The following SKAP1 variants were observed in gnomAD, a reference collection of about 807,000 sequenced individuals.
SKAP1 encodes the protein src kinase-associated phosphoprotein 1.
SKAP1 carries 44 observed loss-of-function variants against 58.5 expected under a neutral mutation model. The ratio of observed to expected loss-of-function variants is 0.75; its 90% CI spans 0.59 to 0.97. SKAP1 has a LOEUF of 0.97. Among genes scored for constraint, SKAP1 ranks in the 50% least tolerant of loss-of-function variants. The pLI, the probability that SKAP1 is intolerant of heterozygous loss-of-function variation, is 0.00. For missense variants in SKAP1, 390 were observed against 435.2 expected (o/e 0.90, Z 0.92); for synonymous variants, 127 against 149.7 (o/e 0.85, Z 1.11).
At chr17:48,154,921 G>A (rs1389072809) in intron 11 of SKAP1, among the ~76,000 whole-genome samples, 1 of 151,584 alleles carries the variant, frequency 6.6e-6, no homozygotes, top group Non-Finnish European at 1.5e-5. Flanking sequence ...TTAGCCAGGT[G>A]TGGTGGCTTG....
intron 2 of SKAP1, among the ~76,000 whole-genome samples, chr17:48,379,376 A>G (rs1406677188): frequency 6.6e-6 from 1 of 152,244 alleles, no homozygotes; most frequent in Non-Finnish European, 1.5e-5. Flanking sequence ...ATATAACATT[A>G]TTTCACTCAT....
chr17:48,415,000 T>C (rs2067714324), intron 1 of SKAP1, among the ~76,000 whole-genome samples: 2 of 152,242 alleles, frequency 1.3e-5, no homozygotes, highest in Non-Finnish European at 2.9e-5. Context: ...GTAATGCTCC[T>C]AGTACACTAA....
At chr17:48,268,400 T>C (rs2065583371) in intron 4 of SKAP1, among the ~76,000 whole-genome samples, 2 of 152,352 alleles carry the variant, frequency 1.3e-5, no homozygotes, top group South Asian at 4.1e-4. Context: ...ATAATGTGTA[T>C]TCATTGCTGT....
Position 48,430,108 on chromosome 17 carries a change from C to T in SKAP1, c.13G>A (p.Ala5Thr). The change falls in exon 1 of 13, where the codon GCC becomes ACC. Residue 5 changes from alanine (A) to threonine (T), a missense_variant. By Grantham distance (58) the Ala-to-Thr change is moderately conservative. Transcript: ENST00000336915. ...AGCCAACGGATCTCCTCAGGGAGGG[C>T]GGCGGCCTGCATTTGGCTGGGCGGG... is the stretch of plus-strand genomic sequence containing the variant. The part of the protein sequence containing the change: MQAA[A>T]LPEEIRWLLE... 4 of 1,262,318 alleles carry T rather than the reference C, an allele frequency of 3.2e-6. No homozygotes were observed. Among genetic ancestry groups the T allele is most frequent in the Non-Finnish European group, 4.0e-6 (4 of 995,842 alleles). The allele number at this position is 1,262,318 out of a possible 1,614,324, so 78.2% of individuals were successfully genotyped here.
At chr17:48,173,186 T>TG (rs1555597516) in intron 9 of SKAP1, among the ~76,000 whole-genome samples, 1 of 144,582 alleles carries the variant, frequency 6.9e-6, no homozygotes, top group Non-Finnish European at 1.5e-5. Flanking sequence ...ACCTTGTCTC[T>TG]AAAAAAAAAA....
rs566454033 is a variant in SKAP1 at position 48,387,051 on chromosome 17, C to T, written c.152+9629G>A. Among the ~76,000 whole-genome samples, 28 of 152,336 alleles carry T rather than the reference C, an allele frequency of 1.8e-4. 2 individuals are homozygous for T. In the South Asian group the frequency reaches 5.8e-3, roughly 32 times the overall value. ...CAGCAAACATATGCCTACCAACCTG[C>T]TCCATTTATGCAAAATTCTGAAGCA... is the stretch of plus-strand genomic sequence containing the variant. On this transcript the variant is annotated intron_variant, in intron 2 of 12. Transcript: ENST00000336915.
At chr17:48,141,721 A>C (rs1356653855) in intron 11 of SKAP1, among the ~76,000 whole-genome samples, 2 of 152,152 alleles carry the variant, frequency 1.3e-5, no homozygotes, top group African/African-American at 4.8e-5. Context: ...TGCATGACCC[A>C]GTCCCACTCA....
At chr17:48,379,591 C>T (rs2067189386) in intron 2 of SKAP1, among the ~76,000 whole-genome samples, 1 of 151,936 alleles carries the variant, frequency 6.6e-6, no homozygotes, top group Admixed American at 6.5e-5. Context: ...TTCCTAAATT[C>T]GTACCATTTT....
intron 4 of SKAP1, among the ~76,000 whole-genome samples, chr17:48,344,553 TAATC>T (rs2066696382): frequency 6.6e-6 from 1 of 152,220 alleles, no homozygotes; most frequent in Admixed American, 6.5e-5. Context: ...AGCATTAGAA[TAATC>T]AAAAACAAAT....
At chr17:48,370,946 C>A (rs1460060103) in intron 2 of SKAP1, among the ~76,000 whole-genome samples, 1 of 152,082 alleles carries the variant, frequency 6.6e-6, no homozygotes, top group Non-Finnish European at 1.5e-5. Context: ...TATGATGCAG[C>A]CATAATAAAC....
At chr17:48,144,563 A>C (rs1022590101) in intron 11 of SKAP1, among the ~76,000 whole-genome samples, 3 of 152,210 alleles carry the variant, frequency 2.0e-5, no homozygotes, top group South Asian at 4.1e-4. Flanking sequence ...CAAGTGCCAA[A>C]TTGCACCACT....
chr17:48,158,099 C>T (rs1354744314), intron 11 of SKAP1, among the ~76,000 whole-genome samples: 1 of 149,480 alleles, frequency 6.7e-6, no homozygotes, highest in Non-Finnish European at 1.5e-5. Context: ...ATTGCTTGAA[C>T]CCGGGAGGTG....
chr17:48,209,009 T>C (rs1019102270), intron 4 of SKAP1, among the ~76,000 whole-genome samples: 1 of 152,188 alleles, frequency 6.6e-6, no homozygotes, highest in African/African-American at 2.4e-5. Flanking sequence ...GATTCATTAA[T>C]CCTCACCACT....
intron 4 of SKAP1, among the ~76,000 whole-genome samples, chr17:48,232,368 G>C (rs181701510): frequency 1.3e-5 from 2 of 152,294 alleles, no homozygotes; most frequent in Admixed American, 1.3e-4. Flanking sequence ...ATACCACCAG[G>C]TGGGTACCTT....
chr17:48,408,164 G>T (rs1206568987), intron 1 of SKAP1, among the ~76,000 whole-genome samples: 1 of 151,830 alleles, frequency 6.6e-6, no homozygotes, highest in Non-Finnish European at 1.5e-5. Flanking sequence ...TCTTTAAAAA[G>T]ATATTTTGAA....
At chr17:48,205,019 CTTTCTTTCTTTCTT>C (rs1567819947) in intron 4 of SKAP1, among the ~76,000 whole-genome samples, 5 of 42,014 alleles carry the variant, frequency 1.2e-4, no homozygotes, top group East Asian at 6.9e-4. Context: ...CTTTCTTTTT[CTTTCTTTCTTTCTT>C]TCTTTCTCTC....
At chr17:48,184,957 G>A in intron 6 of SKAP1, 110 bp from the exon 7 acceptor site, 1 of 1,048,954 alleles carries the variant, frequency 9.5e-7, no homozygotes, top group African/African-American at 1.6e-5. Context: ...ACATCCCTGA[G>A]GAACCACAAT....
chr17:48,318,692 T>C (rs1359486528), intron 4 of SKAP1, among the ~76,000 whole-genome samples: 1 of 151,854 alleles, frequency 6.6e-6, no homozygotes, highest in African/African-American at 2.4e-5. Context: ...ATAGTGAGAC[T>C]TCATTTCTAC....
chr17:48,363,260 A>C (rs2066958862), intron 3 of SKAP1, among the ~76,000 whole-genome samples: 1 of 152,216 alleles, frequency 6.6e-6, no homozygotes, highest in Admixed American at 6.6e-5. Flanking sequence ...AATTAGAAGC[A>C]CTGAGGCTGC....
Sources: gnomAD v4.1 joint callset for allele counts (sites outside exome capture counted in the v4.1 genomes callset) on GRCh38, gnomAD v4.1.1 for gene constraint, MANE v1.5 for transcripts, NCBI Gene and HGNC (gene_info 2026-07-23, HGNC 2026-07-21) for gene names.